Variants in CCDC60 observed in about 807,000 individuals in gnomAD.
CCDC60 encodes the protein coiled-coil domain containing 60, also known as coiled-coil domain-containing protein 60.
A neutral mutation model predicts 63.5 loss-of-function variants in CCDC60; 54 were observed. The observed-to-expected ratio is 0.85, with a 90% CI of 0.68 to 1.07. The LOEUF (loss-of-function observed/expected upper bound fraction) is 1.07, where lower values mean the gene tolerates loss of function less well. CCDC60 is among the 50% of genes least tolerant of loss of function. The pLI, the probability that CCDC60 is intolerant of heterozygous loss-of-function variation, is 0.00. For synonymous variants in CCDC60, 206 were observed against 238.8 expected (o/e 0.86, Z 1.27); for missense variants, 651 against 684.3 (o/e 0.95, Z 0.54).
intron 7 of CCDC60, among the ~76,000 whole-genome samples, chr12:119,510,542 C>A (rs1593194248): frequency 6.6e-6 from 1 of 152,134 alleles, no homozygotes; most frequent in Admixed American, 6.6e-5. Flanking sequence ...AAATGCATCT[C>A]ACTGTATCCA....
intron 11 of CCDC60, chr12:119,524,537 C>A (rs1952627130): frequency 2.7e-6 from 2 of 737,962 alleles, no homozygotes; most frequent in African/African-American, 3.9e-5. Context: ...TAATCCTTGC[C>A]CTTTCCTTCT....
intron 7 of CCDC60, among the ~76,000 whole-genome samples, chr12:119,509,644 A>AATGATG (rs60115763): frequency 0.11 from 17,136 of 150,870 alleles, 1,153 homozygotes; most frequent in East Asian, 0.23. Context: ...TTTTCTTTAG[A>AATGATG]ATGATGATGA....
chr12:119,523,003 T>C lies in CCDC60; in HGVS notation c.1103+2T>C. 6.2e-7 allele frequency: 1 copy of C among 1,613,870 alleles called. No individual in the cohort carries two copies. Among genetic ancestry groups the C allele is most frequent in the Non-Finnish European group, 8.5e-7 (1 of 1,179,798 alleles). On this transcript the variant is annotated splice_donor_variant, in intron 10 of 13. Coordinates refer to ENST00000327554, the MANE Select transcript of CCDC60 (RefSeq NM_178499.5). LOFTEE classifies it high-confidence loss of function. ...ACCAGTCCAGAAGAAGTCTAAAAAGTAAGCCAGGAGGGCAATGGAAGGAAC... is the reference window on the plus strand; with the variant it reads ...ACCAGTCCAGAAGAAGTCTAAAAAGCAAGCCAGGAGGGCAATGGAAGGAAC...
intron 12 of CCDC60, among the ~76,000 whole-genome samples, chr12:119,530,157 A>G (rs1276606281): frequency 6.6e-6 from 1 of 152,174 alleles, no homozygotes; most frequent in Admixed American, 6.5e-5. Flanking sequence ...TATAATAAAT[A>G]TATATCCTAG....
chr12:119,438,653 A>T (rs1329647226), intron 2 of CCDC60, among the ~76,000 whole-genome samples: 2 of 152,226 alleles, frequency 1.3e-5, no homozygotes, highest in African/African-American at 4.8e-5. Context: ...GGAATATATG[A>T]CTAGACCAAT....
intron 1 of CCDC60, among the ~76,000 whole-genome samples, chr12:119,382,609 G>GGAATGAATGAATGAATGAATGAAT (rs140115377): frequency 1.3e-5 from 2 of 151,718 alleles, no homozygotes; most frequent in African/African-American, 4.8e-5. Context: ...CAGAACAGTG[G>GGAATGAATGAATGAATGAATGAAT]GAATGAATGA....
intron 1 of CCDC60, among the ~76,000 whole-genome samples, chr12:119,421,777 A>G (rs1017853541): frequency 2.6e-5 from 4 of 152,152 alleles, no homozygotes; most frequent in Non-Finnish European, 5.9e-5. Context: ...CCAGGACTCA[A>G]ACCTAGGTCT....
At position 119,364,759 on chromosome 12, in the gene CCDC60, C is replaced by T. The variant is rs565461228; in HGVS notation, c.90+29493C>T. ...CAGAGCACAGAGGAGATCCACGGGG[C>T]GATCTCCCTTTGGACAACCGCAAGC... On this transcript the variant is annotated intron_variant, in intron 1 of 13. Transcript: ENST00000327554. Among the ~76,000 whole-genome samples the T allele has an allele frequency of 2.0e-5, 3 of 152,264 alleles. No homozygotes were observed. The South Asian group carries it at 6.2e-4, about 32-fold the overall frequency.
intron 1 of CCDC60, among the ~76,000 whole-genome samples, chr12:119,363,091 C>T (rs1955807109): frequency 6.6e-6 from 1 of 152,154 alleles, no homozygotes; most frequent in South Asian, 2.1e-4. Context: ...CAGCCAGTCT[C>T]CCTCTCAAAA....
chr12:119,349,212 G>A (rs1955628764), intron 1 of CCDC60, among the ~76,000 whole-genome samples: 2 of 152,224 alleles, frequency 1.3e-5, no homozygotes, highest in South Asian at 4.2e-4. Flanking sequence ...CAAAAGAAGA[G>A]CAGAAGGAAG....
intron 2 of CCDC60, among the ~76,000 whole-genome samples, chr12:119,462,512 A>C (rs554008798): frequency 3.7e-4 from 57 of 152,278 alleles, no homozygotes; most frequent in Non-Finnish European, 7.2e-4. Flanking sequence ...CTTTAAAAAA[A>C]ATTTTCTTGT....
intron 2 of CCDC60, among the ~76,000 whole-genome samples, chr12:119,463,289 C>T (rs970629341): frequency 2.6e-5 from 4 of 152,296 alleles, no homozygotes; most frequent in Admixed American, 2.0e-4. Context: ...CCCAGTGGCT[C>T]ATGGAAACTT....
chr12:119,442,917 G>A (rs1483353944), intron 2 of CCDC60, among the ~76,000 whole-genome samples: 1 of 152,204 alleles, frequency 6.6e-6, no homozygotes, highest in African/African-American at 2.4e-5. Context: ...GTGTAAAGAG[G>A]CTGAAAGTAC....
intron 2 of CCDC60, among the ~76,000 whole-genome samples, chr12:119,445,456 AG>A (rs1486832310): frequency 2.2e-4 from 31 of 143,518 alleles, no homozygotes; most frequent in Middle Eastern, 3.5e-3. Flanking sequence ...AAAAAAAAAA[AG>A]GAATGCTCTG....
chr12:119,383,723 G>C (rs1390597524), intron 1 of CCDC60, among the ~76,000 whole-genome samples: 1 of 152,174 alleles, frequency 6.6e-6, no homozygotes, highest in African/African-American at 2.4e-5. Flanking sequence ...TTAAAAACTT[G>C]AGCTGAATGA....
chr12:119,519,230 G>A (rs945020478), intron 8 of CCDC60, among the ~76,000 whole-genome samples: 19 of 152,106 alleles, frequency 1.2e-4, no homozygotes, highest in African/African-American at 4.6e-4. Context: ...CCAGCCCCCA[G>A]CCTCAAGGCC....
intron 2 of CCDC60, among the ~76,000 whole-genome samples, chr12:119,431,927 C>T (rs1442454685): frequency 6.6e-6 from 1 of 152,146 alleles, no homozygotes; most frequent in Non-Finnish European, 1.5e-5. Flanking sequence ...GATCTGCCCG[C>T]CTCGGCCTCC....
intron 5 of CCDC60, among the ~76,000 whole-genome samples, chr12:119,489,547 A>C (rs1444334182): frequency 6.6e-6 from 1 of 152,224 alleles, no homozygotes; most frequent in Non-Finnish European, 1.5e-5. Context: ...CCACTGTTGC[A>C]GGAACAGCAT....
At chr12:119,373,716 C>T (rs1955922755) in intron 1 of CCDC60, among the ~76,000 whole-genome samples, 1 of 151,998 alleles carries the variant, frequency 6.6e-6, no homozygotes, top group Non-Finnish European at 1.5e-5. Context: ...GGGGGGCGTC[C>T]CCCTTCATTT....
Sources: allele counts gnomAD v4.1 joint callset (sites outside exome capture counted in the v4.1 genomes callset), GRCh38; gene constraint gnomAD v4.1.1; transcripts MANE v1.5; gene names NCBI Gene and HGNC (gene_info 2026-07-23, HGNC 2026-07-21).